The following PLRG1 variants were observed in gnomAD, a reference collection of about 807,000 sequenced individuals.
PLRG1 encodes the protein pleiotropic regulator 1.
Under a neutral mutation model 74.9 loss-of-function variants are expected in PLRG1, and 28 were observed. That is an observed-to-expected ratio of 0.37 (90% confidence interval 0.28 to 0.51). The LOEUF (loss-of-function observed/expected upper bound fraction) is 0.51, where lower values mean the gene tolerates loss of function less well. Among genes scored for constraint, PLRG1 ranks in the 20% least tolerant of loss-of-function variants. The pLI is 0.91. For missense variants in PLRG1, 445 were observed against 631.9 expected, an observed-to-expected ratio of 0.70 and a Z score of 3.17; for synonymous variants, 197 against 212.4, an observed-to-expected ratio of 0.93 and a Z score of 0.63.
chr4:154,545,101 A>G (rs1729626524), intron 6 of PLRG1, among the ~76,000 whole-genome samples: 1 of 152,174 alleles, frequency 6.6e-6, no homozygotes, highest in Non-Finnish European at 1.5e-5. Context: ...TAGTCATCCA[A>G]AACATAAATA....
rs1729425243 is a variant in PLRG1 at position 154,535,270 on chromosome 4, C to T, written c.*1415G>A. The T allele has an allele frequency of 6.6e-6, 1 of 151,602 alleles. No individual in the cohort carries two copies. Among genetic ancestry groups the T allele is most frequent in the Non-Finnish European group, 1.5e-5 (1 of 67,944 alleles). The allele number at this position is 151,602 out of a possible 1,614,324, so 9.4% of individuals were successfully genotyped here. A position where few individuals can be genotyped will look rare whatever the true frequency, so the allele number is the denominator to read the frequency against. Reference sequence around the variant, plus strand: ...CACTCTCTTAACGAATACTTAGAAACAAATTGCATAAAGGTACCATCTATT... The same window carrying T: ...CACTCTCTTAACGAATACTTAGAAATAAATTGCATAAAGGTACCATCTATT... On this transcript the variant is annotated 3_prime_UTR_variant, in exon 15 of 15. Coordinates refer to ENST00000499023, the MANE Select transcript of PLRG1 (RefSeq NM_002669.4).
chr4:154,537,824 CATA>C (rs1198226480), intron 13 of PLRG1, 142 bp downstream of exon 13: 66 of 535,446 alleles, frequency 1.2e-4, no homozygotes, highest in African/African-American at 3.1e-4. Context: ...CATGAACACA[CATA>C]ATAACATGCA....
At chr4:154,544,314 T>C in intron 7 of PLRG1, 131 bp downstream of exon 7, 1 of 624,890 alleles carries the variant, frequency 1.6e-6, no homozygotes, top group Non-Finnish European at 2.9e-6. Flanking sequence ...CTACGACTCT[T>C]CTCAATCCAC....
intron 7 of PLRG1, among the ~76,000 whole-genome samples, chr4:154,543,444 T>C (rs1026401800): frequency 2.6e-5 from 4 of 152,166 alleles, no homozygotes; most frequent in Admixed American, 6.5e-5. Context: ...CCACCATGCC[T>C]GGCCTACACA....
chr4:154,547,504 T>C, intron 3 of PLRG1: 2 of 585,792 alleles, frequency 3.4e-6, no homozygotes, highest in Non-Finnish European at 6.0e-6. Flanking sequence ...TCTGCCATCA[T>C]TATACTACCA....
At chr4:154,546,300 C>T (rs555557324) in intron 4 of PLRG1, 87 bp from the exon 5 acceptor site, 3 of 711,376 alleles carry the variant, frequency 4.2e-6, no homozygotes, top group Non-Finnish European at 7.6e-6. Context: ...GGAAAACATA[C>T]ACCAAATGTT....
In PLRG1 at chr4:154,540,639, C is replaced by T. The variant is rs759776348; in HGVS notation, c.894G>A (p.Pro298=). The T allele has an allele frequency of 7.4e-6, 12 of 1,613,536 alleles. No individual in the cohort carries two copies. The highest frequency in any genetic ancestry group is 3.3e-5 in the Admixed American group (2 of 59,966). ...TACAGGTTACCAACACATCGATTGT[C>T]GGGTGCAAATCCAAACCATACACTG... is the stretch of plus-strand genomic sequence containing the variant. The part of the protein sequence containing the change: ...LSAVYGLDLH[P]TIDVLVTCSR... Residue 298 remains proline, a synonymous_variant, in exon 10 of 15, where the codon CCG becomes CCA. Transcript: ENST00000499023.
Position 154,540,059 on chromosome 4 carries a change from A to C in PLRG1, c.940-6T>G. Reference sequence around the variant, plus strand: ...TTAGTTCTCACATCCCAAATCTATAAAAACACAATAGACATATTAGGAAAG... The same window carrying C: ...TTAGTTCTCACATCCCAAATCTATACAAACACAATAGACATATTAGGAAAG... On this transcript the variant is annotated splice_polypyrimidine_tract_variant and splice_region_variant and intron_variant, in intron 10 of 14. Transcript: ENST00000499023. The C allele has an allele frequency of 7.3e-7, 1 of 1,378,514 alleles. No homozygotes were observed. The highest frequency in any genetic ancestry group is 1.0e-6 in the Non-Finnish European group (1 of 965,176). 85.4% of individuals were successfully genotyped at this position (1,378,514 alleles called of 1,614,324 possible). A position where few individuals can be genotyped will look rare whatever the true frequency, so the allele number is the denominator to read the frequency against.
intron 11 of PLRG1, 74 bp downstream of exon 11, chr4:154,539,877 A>C: frequency 2.5e-6 from 2 of 799,128 alleles, no homozygotes; most frequent in Non-Finnish European, 4.5e-6. Context: ...GTCATCATGA[A>C]TATTAAAAGT....
chr4:154,541,806 A>G (rs905186306), intron 8 of PLRG1, among the ~76,000 whole-genome samples: 3 of 152,216 alleles, frequency 2.0e-5, no homozygotes, highest in Middle Eastern at 3.2e-3. Context: ...ACAGAAATAA[A>G]TACTAAAACG....
At chr4:154,546,249 G>T in intron 4 of PLRG1, 36 bp from the exon 5 acceptor site, 1 of 1,086,416 alleles carries the variant, frequency 9.2e-7, no homozygotes, top group Non-Finnish European at 1.4e-6. Context: ...TTTAGTAGCT[G>T]TGTATTATTC....
chr4:154,543,759 T>C (rs1027928207), intron 7 of PLRG1, among the ~76,000 whole-genome samples: 10 of 152,226 alleles, frequency 6.6e-5, no homozygotes, highest in African/African-American at 2.4e-4. Context: ...TACTGTACAA[T>C]CATTTGAAAA....
At chr4:154,547,123 C>A (rs994272510) in intron 3 of PLRG1, 59 bp from the exon 4 acceptor site, 84 of 1,180,200 alleles carry the variant, frequency 7.1e-5, no homozygotes, top group Non-Finnish European at 1.0e-4. Flanking sequence ...AAGTTATCAT[C>A]TCTTTAAATG....
intron 4 of PLRG1, chr4:154,546,531 T>C (rs1729659131): frequency 3.1e-6 from 1 of 323,518 alleles, no homozygotes; most frequent in Admixed American, 4.7e-5. Flanking sequence ...ACTAACAGAA[T>C]GTTTCCAAGA....
At position 154,540,012 on chromosome 4, in the gene PLRG1, A is replaced by G; in HGVS notation, c.981T>C (p.Ser327=). 3 of 1,602,702 alleles carry G rather than the reference A, an allele frequency of 1.9e-6. No homozygotes were observed. The highest frequency in any genetic ancestry group is 2.6e-6 in the Non-Finnish European group (3 of 1,169,694). The change falls in exon 11 of 15, where the codon TCT becomes TCC. Residue 327 remains serine, a synonymous_variant. Coordinates refer to ENST00000499023, the MANE Select transcript of PLRG1 (RefSeq NM_002669.4). ...CTGTAGCAACTGCATTTGTATGTCC[A>G]GATAATGTGTGTACACTGGCTTTAG... ...VRTKASVHTL[S]GHTNAVATVR...
Position 154,535,376 on chromosome 4 carries a change from A to C in PLRG1, c.*1309T>G, listed in dbSNP as rs912070804. ...AGGTGCAATGACTTTGCTTGTGTAC[A>C]CTTGTCAGATCATTCCCATTAGGCA... is the stretch of plus-strand genomic sequence containing the variant. On this transcript the variant is annotated 3_prime_UTR_variant, in exon 15 of 15. Transcript: ENST00000499023. 1 of 151,854 alleles carries C rather than the reference A, an allele frequency of 6.6e-6. No homozygotes were observed. The highest frequency in any genetic ancestry group is 1.5e-5 in the Non-Finnish European group (1 of 67,958). 9.4% of individuals were successfully genotyped at this position (151,854 alleles called of 1,614,324 possible). A position where few individuals can be genotyped will look rare whatever the true frequency, so the allele number is the denominator to read the frequency against.
intron 1 of PLRG1, among the ~76,000 whole-genome samples, chr4:154,549,933 A>C (rs1162633885): frequency 6.6e-6 from 1 of 152,228 alleles, no homozygotes; most frequent in Admixed American, 6.5e-5. Context: ...TGAACGCAAG[A>C]TAGAGAAGAC....
In PLRG1 at chr4:154,536,523, A is replaced by G; in HGVS notation, c.*162T>C. ...AAAACACAGGGGTAGGGGACAGGGG[A>G]CAGTTTATTGTAAAATATGAAGCAG... On this transcript the variant is annotated 3_prime_UTR_variant, in exon 15 of 15. Transcript: ENST00000499023. The G allele has an allele frequency of 1.6e-6, 1 of 618,354 alleles. No homozygotes were observed. Among genetic ancestry groups the G allele is most frequent in the Non-Finnish European group, 2.9e-6 (1 of 349,256 alleles). 38.3% of individuals were successfully genotyped at this position (618,354 alleles called of 1,614,324 possible).
intron 10 of PLRG1, 45 bp downstream of exon 10, chr4:154,540,549 G>T: frequency 7.8e-7 from 1 of 1,285,130 alleles, no homozygotes; most frequent in Non-Finnish European, 1.1e-6. Flanking sequence ...CACCCTACAA[G>T]ATGCAATATA....
Sources: gnomAD v4.1 joint callset for allele counts (sites outside exome capture counted in the v4.1 genomes callset) on GRCh38, gnomAD v4.1.1 for gene constraint, MANE v1.5 for transcripts, NCBI Gene and HGNC (gene_info 2026-07-23, HGNC 2026-07-21) for gene names.